ZPLD1: variants seen among roughly 807,000 people sequenced by gnomAD.
ZPLD1 encodes the protein zona pellucida like domain containing 1, also known as zona pellucida-like domain-containing protein 1.
ZPLD1 carries 34 observed loss-of-function variants against 47.2 expected under a neutral mutation model. That is an observed-to-expected ratio of 0.72 (90% CI 0.55 to 0.96). The LOEUF (loss-of-function observed/expected upper bound fraction) is 0.96, where lower values mean the gene tolerates loss of function less well. Among genes scored for constraint, ZPLD1 ranks in the 40% least tolerant of loss-of-function variants. The pLI is 0.00. For missense variants in ZPLD1, 512 were observed against 505.8 expected (o/e 1.01, Z -0.12); for synonymous variants, 176 against 186.2 (o/e 0.95, Z 0.45).
At chr3:102,449,731 A>G (rs534079425) in intron 3 of ZPLD1, among the ~76,000 whole-genome samples, 1 of 152,304 alleles carries the variant, frequency 6.6e-6, no homozygotes, top group Non-Finnish European at 1.5e-5. Context: ...TACTGTGCCT[A>G]ATTTAAAAAA....
chr3:102,428,917 T>G (rs1168632545), intron 8 of ZPLD1, among the ~76,000 whole-genome samples: 3 of 152,098 alleles, frequency 2.0e-5, no homozygotes, highest in Non-Finnish European at 4.4e-5. Flanking sequence ...CCAACACGCA[T>G]AGATTCTTTA....
rs1354371753 is a variant in ZPLD1 at position 102,412,300 on chromosome 3, C to G, written c.-156-5760C>G. Among the ~76,000 whole-genome samples the G allele has an allele frequency of 2.0e-5, 3 of 151,772 alleles. No individual in the cohort carries two copies. In the East Asian group the frequency reaches 5.8e-4, roughly 30 times the overall value. On this transcript the variant is annotated intron_variant, in intron 7 of 17. Transcript: ENST00000491959. ...AAAATTAATCGTCATACTTGCTTAACAAAAATATGTTTTGGGAGGCATAGG... is the reference window on the plus strand; with the variant it reads ...AAAATTAATCGTCATACTTGCTTAAGAAAAATATGTTTTGGGAGGCATAGG...
chr3:102,465,147 C>A (rs1407469038), intron 8 of ZPLD1, among the ~76,000 whole-genome samples: 1 of 152,110 alleles, frequency 6.6e-6, no homozygotes, highest in African/African-American at 2.4e-5. Flanking sequence ...ATTTCATATT[C>A]TTTGATTCTA....
intron 4 of ZPLD1, among the ~76,000 whole-genome samples, chr3:102,454,048 G>A (rs1707376696): frequency 6.6e-6 from 1 of 152,158 alleles, no homozygotes; most frequent in Non-Finnish European, 1.5e-5. Context: ...GCCCAGGGAA[G>A]GAGATATTGA....
intron 8 of ZPLD1, among the ~76,000 whole-genome samples, chr3:102,421,330 T>C (rs1449288490): frequency 6.6e-6 from 1 of 151,852 alleles, no homozygotes. Context: ...TATTGTGGAA[T>C]TGGAAATAAT....
At chr3:102,414,022 G>T (rs763852126) in intron 7 of ZPLD1, among the ~76,000 whole-genome samples, 1 of 151,650 alleles carries the variant, frequency 6.6e-6, no homozygotes, top group Admixed American at 6.6e-5. Context: ...GAGAGGAGGC[G>T]AGCTGTGTGC....
At chr3:102,450,852 T>C (rs190361534) in intron 3 of ZPLD1, among the ~76,000 whole-genome samples, 14 of 152,304 alleles carry the variant, frequency 9.2e-5, no homozygotes, top group Non-Finnish European at 2.9e-5. Context: ...AAATAAACTG[T>C]ATTATTTTAG....
At chr3:102,427,894 A>T (rs1473413512) in intron 8 of ZPLD1, among the ~76,000 whole-genome samples, 2 of 152,174 alleles carry the variant, frequency 1.3e-5, no homozygotes, top group Non-Finnish European at 2.9e-5. Flanking sequence ...TTCTTAAAAA[A>T]CTTTCACTAC....
At chr3:102,396,398 C>CGAACTCA (rs1706557922) in intron 7 of ZPLD1, among the ~76,000 whole-genome samples, 1 of 152,022 alleles carries the variant, frequency 6.6e-6, no homozygotes, top group African/African-American at 2.4e-5. Flanking sequence ...ACCAACGCAC[C>CGAACTCA]GAACTCAGAC....
rs191356782 is a variant in ZPLD1 at position 102,440,041 on chromosome 3, C to T, written c.106+1448C>T. Among the ~76,000 whole-genome samples the T allele has an allele frequency of 2.1e-3, 316 of 152,270 alleles. 2 individuals are homozygous for T. The highest frequency in any genetic ancestry group is 3.2e-3 in the Non-Finnish European group (218 of 68,024). On this transcript the variant is annotated intron_variant, in intron 3 of 11. Transcript: ENST00000466937. Reference sequence around the variant, plus strand: ...ACTCTGAGGTGTCATTGAACAGGCTCCTTTTTCCTGTCTATCCTGTAAACC... The same window carrying T: ...ACTCTGAGGTGTCATTGAACAGGCTTCTTTTTCCTGTCTATCCTGTAAACC...
intron 3 of ZPLD1, among the ~76,000 whole-genome samples, chr3:102,451,186 C>G (rs1030963066): frequency 6.6e-6 from 1 of 152,008 alleles, no homozygotes; most frequent in Non-Finnish European, 1.5e-5. Flanking sequence ...AGGAAAAAAA[C>G]CCAGTATGTA....
At chr3:102,429,014 A>G (rs2107312669) in intron 8 of ZPLD1, among the ~76,000 whole-genome samples, 1 of 152,244 alleles carries the variant, frequency 6.6e-6, no homozygotes, top group Admixed American at 6.5e-5. Flanking sequence ...CACTTGAAAC[A>G]CATTTGTCTT....
intron 8 of ZPLD1, among the ~76,000 whole-genome samples, chr3:102,465,044 C>G (rs1707569697): frequency 6.6e-6 from 1 of 152,144 alleles, no homozygotes; most frequent in Non-Finnish European, 1.5e-5. Context: ...AGGGTATGGT[C>G]AAACTGTTAT....
intron 3 of ZPLD1, among the ~76,000 whole-genome samples, chr3:102,450,314 A>G (rs553654185): frequency 3.9e-5 from 6 of 152,194 alleles, no homozygotes; most frequent in African/African-American, 1.2e-4. Flanking sequence ...ATGTTAACAC[A>G]TGTACATACT....
chr3:102,392,026 C>T (rs1706501720), intron 6 of ZPLD1: 1 of 152,150 alleles, frequency 6.6e-6, no homozygotes, highest in South Asian at 2.1e-4. Context: ...AACCAATCAA[C>T]CAAACAAACA....
rs1274810642 is a variant in ZPLD1, at chr3:102,457,945, C to T, written c.582+92C>T. 3 of 1,208,654 alleles carry T rather than the reference C, an allele frequency of 2.5e-6. No individual in the cohort carries two copies. In the African/African-American group the frequency reaches 4.6e-5, roughly 18 times the overall value. 74.9% of individuals were successfully genotyped at this position (1,208,654 alleles called of 1,614,324 possible). ...CTTTTATATAAAAATCTACTGAAAG[C>T]CACATTAACCCTGTTATGCCTTGGT... On this transcript the variant is annotated intron_variant, in intron 6 of 11. Coordinates refer to ENST00000466937, the MANE Select transcript of ZPLD1 (RefSeq NM_001329788.2).
chr3:102,412,555 A>G (rs1706757638), intron 7 of ZPLD1, among the ~76,000 whole-genome samples: 4 of 151,788 alleles, frequency 2.6e-5, no homozygotes. Flanking sequence ...CTTGGAGATG[A>G]TGTATTAGCT....
At chr3:102,387,510 C>A (rs928377436) in intron 6 of ZPLD1, among the ~76,000 whole-genome samples, 4 of 152,144 alleles carry the variant, frequency 2.6e-5, no homozygotes, top group African/African-American at 9.7e-5. Flanking sequence ...TACACTCAAT[C>A]ATGGGCCCTT....
intron 7 of ZPLD1, among the ~76,000 whole-genome samples, chr3:102,401,992 G>A (rs911648989): frequency 1.2e-4 from 18 of 152,120 alleles, no homozygotes; most frequent in African/African-American, 9.6e-5. Flanking sequence ...TAATAAATGC[G>A]TTGTAAGTAA....
Sources: allele counts gnomAD v4.1 joint callset (sites outside exome capture counted in the v4.1 genomes callset), GRCh38; gene constraint gnomAD v4.1.1; transcripts MANE v1.5; gene names NCBI Gene and HGNC (gene_info 2026-07-23, HGNC 2026-07-21).